Variants in SIK3 observed in about 807,000 individuals in gnomAD.
SIK3 encodes serine/threonine-protein kinase SIK3.
SIK3 carries 28 observed loss-of-function variants against 144.2 expected under a neutral mutation model. The observed-to-expected ratio is 0.19, with a 90% CI of 0.14 to 0.27. SIK3 has a LOEUF of 0.27. Ranked by LOEUF, SIK3 falls within the 10% of genes least tolerant of loss-of-function variation. The probability of loss-of-function intolerance (pLI) is 1.00; values close to 1 mark genes in which losing one functional copy is unlikely to be tolerated. For missense variants in SIK3, 1,319 were observed against 1,776.0 expected, an observed-to-expected ratio of 0.74 and a Z score of 4.62; for synonymous variants, 686 against 676.3, an observed-to-expected ratio of 1.01 and a Z score of -0.22.
chr11:116,985,617 A>C (rs745764031), intron 1 of SIK3, among the ~76,000 whole-genome samples: 1 of 152,192 alleles, frequency 6.6e-6, no homozygotes, highest in Non-Finnish European at 1.5e-5. Context: ...AATAACCTTC[A>C]TGTATGTCAA....
rs79592472 is a variant in SIK3 at position 116,963,703 on chromosome 11, A to G, written c.274-6639T>C. Among the ~76,000 whole-genome samples the G allele has an allele frequency of 2.3e-3, 351 of 152,312 alleles. 3 individuals are homozygous for G. Among genetic ancestry groups the G allele is most frequent in the African/African-American group, 7.3e-3 (302 of 41,580 alleles). On this transcript the variant is annotated intron_variant, in intron 1 of 24. Coordinates refer to ENST00000445177, the MANE Select transcript of SIK3 (RefSeq NM_001366686.3). Reference sequence around the variant, plus strand: ...TAATGAATTGACTTCTCTTCAATGCATCTAGAATAGTACCATGTTTGGGAG... The same window carrying G: ...TAATGAATTGACTTCTCTTCAATGCGTCTAGAATAGTACCATGTTTGGGAG...
chr11:116,858,943 C>T lies in SIK3; in HGVS notation c.2766-244G>A, dbSNP rs1435413249. ...TTTTGAAGGAAGCAACTTCAAGATG[C>T]TCCCTTCAAGAAAAGGGGAACTGGA... is the stretch of plus-strand genomic sequence containing the variant. On this transcript the variant is annotated intron_variant, in intron 20 of 24. Transcript: ENST00000445177. This position sits in a 1 kb window ranked among gnomAD's most constrained non-coding sequence, Gnocchi z 5.4. Among the ~76,000 whole-genome samples the T allele has an allele frequency of 6.6e-6, 1 of 152,210 alleles. No individual in the cohort carries two copies. Among genetic ancestry groups the T allele is most frequent in the African/African-American group, 2.4e-5 (1 of 41,448 alleles).
At chr11:116,902,149 A>G (rs576082493) in intron 4 of SIK3, among the ~76,000 whole-genome samples, 4 of 152,290 alleles carry the variant, frequency 2.6e-5, no homozygotes, top group African/African-American at 9.6e-5. Context: ...AACAAACTCT[A>G]GAAGAATCAT....
intron 1 of SIK3, among the ~76,000 whole-genome samples, chr11:117,010,900 A>G (rs2135677495): frequency 6.6e-6 from 1 of 152,280 alleles, no homozygotes; most frequent in East Asian, 1.9e-4. Flanking sequence ...TGGCTGGGTC[A>G]CTGGAGCTCT....
chr11:116,904,967 C>A (rs1012093308), intron 4 of SIK3: 1 of 167,066 alleles, frequency 6.0e-6, no homozygotes, highest in African/African-American at 2.4e-5. Flanking sequence ...CAGAGTTGTG[C>A]GACGATGACC....
At chr11:117,016,687 T>C (rs1015631245) in intron 1 of SIK3, among the ~76,000 whole-genome samples, 7 of 152,214 alleles carry the variant, frequency 4.6e-5, no homozygotes, top group African/African-American at 1.7e-4. Flanking sequence ...AATAATGTTC[T>C]TTATGTTAAT....
intron 1 of SIK3, among the ~76,000 whole-genome samples, chr11:117,045,456 T>G (rs1023411565): frequency 6.6e-5 from 10 of 152,160 alleles, no homozygotes; most frequent in African/African-American, 2.4e-4. Flanking sequence ...CGGTAATTGC[T>G]CCGTTGGTTT....
At chr11:117,035,208 T>C (rs1307815027) in intron 1 of SIK3, among the ~76,000 whole-genome samples, 1 of 152,186 alleles carries the variant, frequency 6.6e-6, no homozygotes, top group Admixed American at 6.5e-5. Flanking sequence ...AGAAGCAGTA[T>C]AAACAAAATC....
intron 1 of SIK3, among the ~76,000 whole-genome samples, chr11:116,992,269 G>A (rs548137907): frequency 1.3e-5 from 2 of 150,342 alleles, no homozygotes; most frequent in African/African-American, 4.9e-5. Context: ...AGGCTGCAGT[G>A]AGCTAAGATC....
rs142180809 is a variant in SIK3 at position 116,873,617 on chromosome 11, G to A, written c.1601C>T (p.Pro534Leu). ...LEYKEQSLLQPPTLQLLNGMG... is the reference protein window; with the variant it reads ...LEYKEQSLLQLPTLQLLNGMG... ...TCCATTCAACAGCTGTAGCGTGGGC[G>A]GCTGTAGGAGAGACTGCTCCTGCCA... Residue 534 changes from proline (P) to leucine (L), a missense_variant, in exon 13 of 25, where the codon CCG becomes CTG. This residue lies in a region of SIK3 where 167 missense variants were observed against 263.3 expected (regional missense o/e 0.63). Transcript: ENST00000445177. The A allele has an allele frequency of 5.8e-5, 91 of 1,564,906 alleles. 1 individual carries two copies. The highest frequency in any genetic ancestry group is 1.7e-4 in the Middle Eastern group (1 of 5,790).
chr11:117,021,733 G>T lies in SIK3; in HGVS notation c.274-64669C>A, dbSNP rs532952826. Among the ~76,000 whole-genome samples the T allele has an allele frequency of 6.6e-5, 10 of 151,892 alleles. No homozygotes were observed. The East Asian group carries it at 1.9e-3, about 29-fold the overall frequency. ...AGTCCCAGCTACTCAGGAGGCTGAA[G>T]CAGGAGAATCCCCTAGGAACTCGAG... On this transcript the variant is annotated intron_variant, in intron 1 of 24. Transcript: ENST00000445177.
At chr11:116,896,883 C>T (rs561771395) in intron 5 of SIK3, among the ~76,000 whole-genome samples, 119 of 152,182 alleles carry the variant, frequency 7.8e-4, no homozygotes, top group Non-Finnish European at 1.3e-3. Context: ...AAAAATTAGC[C>T]AAGTGTGGTG....
Position 117,082,455 on chromosome 11 carries a change from T to A in SIK3, c.273+15688A>T, listed in dbSNP as rs185362827. 1.3e-3 allele frequency among the ~76,000 whole-genome samples: 197 copies of A among 152,230 alleles called. 1 individual carries two copies. Among genetic ancestry groups the A allele is most frequent in the African/African-American group, 4.2e-3 (175 of 41,520 alleles). On this transcript the variant is annotated intron_variant, in intron 1 of 24. Transcript: ENST00000445177. ...ATATTATTCAGCCATAAAAAAATAA[T>A]GAGATTCCAACATATGTAAGAACAT...
At chr11:117,071,984 G>A (rs1322801192) in intron 1 of SIK3, among the ~76,000 whole-genome samples, 2 of 151,902 alleles carry the variant, frequency 1.3e-5, no homozygotes, top group Non-Finnish European at 2.9e-5. Flanking sequence ...AGGCAGTGAG[G>A]AAACACACAC....
chr11:117,004,524 A>T, intron 1 of SIK3, among the ~76,000 whole-genome samples: 1 of 152,168 alleles, frequency 6.6e-6, no homozygotes, highest in East Asian at 1.9e-4. Flanking sequence ...TCCAAAACAA[A>T]AAAAAAGAAC....
chr11:116,912,276 C>G (rs542699122), intron 4 of SIK3, among the ~76,000 whole-genome samples: 1 of 152,216 alleles, frequency 6.6e-6, no homozygotes, highest in South Asian at 2.1e-4. Context: ...AGATCAGGAG[C>G]CTGGGGATAT....
At chr11:117,042,933 G>C (rs1019420795) in intron 1 of SIK3, among the ~76,000 whole-genome samples, 1 of 152,174 alleles carries the variant, frequency 6.6e-6, no homozygotes, top group Admixed American at 6.5e-5. Flanking sequence ...CTGCCACAGT[G>C]AAAGATTATG....
At chr11:117,093,838 C>T (rs1955354011) in intron 1 of SIK3, among the ~76,000 whole-genome samples, 1 of 152,116 alleles carries the variant, frequency 6.6e-6, no homozygotes, top group Non-Finnish European at 1.5e-5. Flanking sequence ...GTCAGGATGG[C>T]ATCTACCTAC....
At chr11:117,054,505 T>C (rs1010069657) in intron 1 of SIK3, among the ~76,000 whole-genome samples, 1 of 152,122 alleles carries the variant, frequency 6.6e-6, no homozygotes, top group African/African-American at 2.4e-5. Flanking sequence ...CTACCTACTA[T>C]AAAGATAACT....
Sources: gnomAD v4.1 joint callset for allele counts (sites outside exome capture counted in the v4.1 genomes callset) on GRCh38, gnomAD v4.1.1 for gene constraint, gnomAD v4.1.1 regional missense constraint, Gnocchi (gnomAD v3.1) non-coding constraint, MANE v1.5 for transcripts, NCBI Gene and HGNC (gene_info 2026-07-23, HGNC 2026-07-21) for gene names.